SUGCT: variants seen among roughly 807,000 people sequenced by gnomAD.
SUGCT encodes succinyl-CoA:glutarate CoA-transferase.
In SUGCT, 41 loss-of-function variants were observed where a neutral mutation model predicts 55.0. The observed-to-expected ratio is 0.74, with a 90% CI of 0.58 to 0.97. The LOEUF (loss-of-function observed/expected upper bound fraction) is 0.97, where lower values mean the gene tolerates loss of function less well. Among genes scored for constraint, SUGCT ranks in the 50% least tolerant of loss-of-function variants. The pLI is 0.00. For synonymous variants in SUGCT, 187 were observed against 200.4 expected (o/e 0.93, Z 0.56); for missense variants, 568 against 547.8 (o/e 1.04, Z -0.37).
chr7:40,949,367 A>T, the SUGCT span, among the ~76,000 whole-genome samples: 27 of 152,170 alleles, frequency 1.8e-4, no homozygotes, highest in African/African-American at 6.0e-4. Flanking sequence ...CCTTTGTCAG[A>T]TGAGTAGATT....
At chr7:40,961,170 A>G in the SUGCT span, among the ~76,000 whole-genome samples, 1 of 152,246 alleles carries the variant, frequency 6.6e-6, no homozygotes, top group African/African-American at 2.4e-5. Flanking sequence ...AGTGGATTCA[A>G]AATATTTAAA....
chr7:40,882,979 G>A, the SUGCT span, among the ~76,000 whole-genome samples: 1 of 152,144 alleles, frequency 6.6e-6, no homozygotes, highest in South Asian at 2.1e-4. Flanking sequence ...ATGTGGATCA[G>A]CCTGCTTTCT....
chr7:40,987,420 G>A, the SUGCT span, among the ~76,000 whole-genome samples: 1 of 152,186 alleles, frequency 6.6e-6, no homozygotes. Context: ...CACTATCTGT[G>A]TGACTCTTGG....
intron 11 of SUGCT, among the ~76,000 whole-genome samples, chr7:40,484,154 G>T (rs1295888266): frequency 6.6e-5 from 10 of 152,124 alleles, no homozygotes; most frequent in African/African-American, 2.2e-4. Flanking sequence ...TCTTCTCAAT[G>T]AATTTTATTT....
intron 1 of SUGCT, among the ~76,000 whole-genome samples, chr7:40,148,841 G>C (rs752549332): frequency 6.6e-6 from 1 of 152,124 alleles, no homozygotes; most frequent in Non-Finnish European, 1.5e-5. Context: ...GAATGGATGC[G>C]GATGGAGATT....
At chr7:40,601,384 A>G (rs148521298) in intron 12 of SUGCT, among the ~76,000 whole-genome samples, 32 of 152,198 alleles carry the variant, frequency 2.1e-4, no homozygotes, top group Admixed American at 9.2e-4. Flanking sequence ...ACCGTCAAGA[A>G]CACATGTCCT....
intron 12 of SUGCT, among the ~76,000 whole-genome samples, chr7:40,705,493 A>G (rs970273559): frequency 2.7e-5 from 4 of 149,820 alleles, no homozygotes; most frequent in African/African-American, 7.5e-5. Flanking sequence ...CTAATTTCCA[A>G]TTTTCTCAGC....
At chr7:40,977,184 G>C in the SUGCT span, among the ~76,000 whole-genome samples, 1 of 152,198 alleles carries the variant, frequency 6.6e-6, no homozygotes, top group African/African-American at 2.4e-5. Context: ...TCCTCATTCA[G>C]GGCCATTTGG....
the SUGCT span, among the ~76,000 whole-genome samples, chr7:40,883,952 A>T: frequency 6.6e-6 from 1 of 152,254 alleles, no homozygotes; most frequent in East Asian, 1.9e-4. Context: ...TCACAGAAAC[A>T]CTCTGGAGGC....
At chr7:40,156,127 G>A (rs1048643962) in intron 1 of SUGCT, among the ~76,000 whole-genome samples, 4 of 152,106 alleles carry the variant, frequency 2.6e-5, no homozygotes, top group Admixed American at 2.6e-4. Context: ...AAAGTGTTGG[G>A]ATTACAGGTG....
At chr7:40,318,001 A>G (rs764664408) in intron 9 of SUGCT, among the ~76,000 whole-genome samples, 1 of 152,172 alleles carries the variant, frequency 6.6e-6, no homozygotes, top group Non-Finnish European at 1.5e-5. Context: ...TATGACCACC[A>G]TTAATGACAT....
At chr7:40,924,469 G>A in the SUGCT span, among the ~76,000 whole-genome samples, 1 of 152,114 alleles carries the variant, frequency 6.6e-6, no homozygotes, top group Non-Finnish European at 1.5e-5. Context: ...CACCCAGCTG[G>A]TCTCAAACTC....
intron 13 of SUGCT, among the ~76,000 whole-genome samples, chr7:40,823,414 A>G (rs1304811608): frequency 6.6e-6 from 1 of 152,152 alleles, no homozygotes; most frequent in Admixed American, 6.5e-5. Context: ...AAATAGATCC[A>G]AAGGCAAACA....
intron 9 of SUGCT, among the ~76,000 whole-genome samples, chr7:40,419,492 T>G (rs1787190049): frequency 6.6e-6 from 1 of 152,192 alleles, no homozygotes; most frequent in African/African-American, 2.4e-5. Context: ...CTTTCCTCAT[T>G]TATTTATTTC....
At chr7:40,281,202 A>G (rs1222454421) in intron 8 of SUGCT, among the ~76,000 whole-genome samples, 1 of 151,526 alleles carries the variant, frequency 6.6e-6, no homozygotes, top group African/African-American at 2.4e-5. Context: ...TGCATAATTG[A>G]TAGATCAGCT....
chr7:40,510,299 T>C (rs546752669), intron 12 of SUGCT, among the ~76,000 whole-genome samples: 2 of 152,134 alleles, frequency 1.3e-5, no homozygotes, highest in Admixed American at 6.6e-5. Context: ...AAATCTGATA[T>C]AGAGGAATGA....
At chr7:40,265,387 C>T (rs1791497671) in intron 7 of SUGCT, among the ~76,000 whole-genome samples, 1 of 152,112 alleles carries the variant, frequency 6.6e-6, no homozygotes, top group African/African-American at 2.4e-5. Flanking sequence ...TTTACAGCTT[C>T]AATGCACTTT....
intron 9 of SUGCT, among the ~76,000 whole-genome samples, chr7:40,429,896 G>C (rs970356753): frequency 6.6e-6 from 1 of 152,158 alleles, no homozygotes; most frequent in Non-Finnish European, 1.5e-5. Context: ...TAGAAATTTA[G>C]ATGCCACATA....
intron 12 of SUGCT, among the ~76,000 whole-genome samples, chr7:40,677,737 G>A (rs1275721202): frequency 6.6e-6 from 1 of 152,180 alleles, no homozygotes; most frequent in Non-Finnish European, 1.5e-5. Flanking sequence ...AAAGAGAATG[G>A]GGTTGGAAAT....
Sources: allele counts gnomAD v4.1 joint callset (sites outside exome capture counted in the v4.1 genomes callset), GRCh38; gene constraint gnomAD v4.1.1; transcripts MANE v1.5; gene names NCBI Gene and HGNC (gene_info 2026-07-23, HGNC 2026-07-21).